SGCZ: variants seen among roughly 807,000 people sequenced by gnomAD.
SGCZ encodes the protein sarcoglycan zeta, also known as zeta-sarcoglycan.
SGCZ carries 40 observed loss-of-function variants against 41.3 expected under a neutral mutation model. The ratio of observed to expected loss-of-function variants is 0.97; its 90% confidence interval spans 0.75 to 1.26. The LOEUF is 1.26. SGCZ is among the 50% of genes most tolerant of loss of function. The pLI, the probability that SGCZ is intolerant of heterozygous loss-of-function variation, is 0.00. For synonymous variants in SGCZ, 206 were observed against 137.5 expected (o/e 1.50, Z -3.49); for missense variants, 552 against 369.8 (o/e 1.49, Z -4.04).
intron 2 of SGCZ, among the ~76,000 whole-genome samples, chr8:14,479,063 TA>T (rs1801446061): frequency 6.6e-6 from 1 of 152,112 alleles, no homozygotes; most frequent in Non-Finnish European, 1.5e-5. Context: ...GAGGTACATA[TA>T]AAATAGAGTT....
chr8:14,947,618 G>A (rs905271113), intron 1 of SGCZ, among the ~76,000 whole-genome samples: 1 of 152,144 alleles, frequency 6.6e-6, no homozygotes, highest in Non-Finnish European at 1.5e-5. Context: ...TGCCCCTTCA[G>A]TGCAAATAAT....
At chr8:14,598,594 G>C (rs1805490502) in intron 1 of SGCZ, among the ~76,000 whole-genome samples, 1 of 151,438 alleles carries the variant, frequency 6.6e-6, no homozygotes, top group South Asian at 2.1e-4. Context: ...TGGTGCAATC[G>C]TCAGCTCACT....
At chr8:14,655,039 CA>C (rs1474187302) in intron 1 of SGCZ, among the ~76,000 whole-genome samples, 3 of 152,134 alleles carry the variant, frequency 2.0e-5, no homozygotes, top group African/African-American at 7.2e-5. Flanking sequence ...TAATACCTTA[CA>C]TTTTTTTCCC....
intron 1 of SGCZ, among the ~76,000 whole-genome samples, chr8:15,088,861 A>AAAT (rs368879560): frequency 2.0e-5 from 3 of 152,288 alleles, no homozygotes; most frequent in African/African-American, 7.2e-5. Flanking sequence ...AATTGCAAAC[A>AAAT]AATAATGGTT....
chr8:14,688,895 G>A (rs936714169), intron 1 of SGCZ, among the ~76,000 whole-genome samples: 3 of 152,000 alleles, frequency 2.0e-5, no homozygotes, highest in Non-Finnish European at 2.9e-5. Flanking sequence ...TCCTTAAGCT[G>A]ATAAGCAACT....
intron 6 of SGCZ, among the ~76,000 whole-genome samples, chr8:14,106,035 C>T (rs1802192962): frequency 6.6e-6 from 1 of 152,224 alleles, no homozygotes; most frequent in African/African-American, 2.4e-5. Context: ...GGAATCAATG[C>T]TCTTCACATG....
At chr8:14,157,337 TGTGTGTGTGTGTGTGTGTGTGTGTGTGA>T (rs1228608685) in intron 5 of SGCZ, among the ~76,000 whole-genome samples, 4 of 43,970 alleles carry the variant, frequency 9.1e-5, no homozygotes, top group Admixed American at 4.1e-4. Context: ...TATATGCCTC[TGTGTGTGTGTGTGTGTGTGTGTGTGTGA>T]GTGTGTGTGT....
intron 1 of SGCZ, among the ~76,000 whole-genome samples, 190 bp downstream of exon 1, chr8:15,237,395 G>C (rs887618386): frequency 5.9e-5 from 9 of 152,182 alleles, no homozygotes; most frequent in Non-Finnish European, 1.2e-4. Context: ...AGCCTGGCTC[G>C]GGAGAACCAC....
At chr8:14,860,856 G>T (rs1399006288) in intron 1 of SGCZ, among the ~76,000 whole-genome samples, 1 of 152,128 alleles carries the variant, frequency 6.6e-6, no homozygotes, top group Non-Finnish European at 1.5e-5. Flanking sequence ...CTTGAACTTG[G>T]TTTAACACTC....
intron 2 of SGCZ, among the ~76,000 whole-genome samples, chr8:14,437,392 T>G (rs1800123889): frequency 6.6e-6 from 1 of 152,136 alleles, no homozygotes; most frequent in African/African-American, 2.4e-5. Flanking sequence ...TTTCCAACTT[T>G]CTTCAAACAC....
intron 7 of SGCZ, among the ~76,000 whole-genome samples, chr8:14,095,743 T>A (rs1490172358): frequency 1.3e-5 from 2 of 152,218 alleles, no homozygotes; most frequent in Non-Finnish European, 2.9e-5. Flanking sequence ...GAGCATGGAA[T>A]GTTTTTCCAT....
chr8:14,722,503 T>A (rs1809919309), intron 1 of SGCZ, among the ~76,000 whole-genome samples: 1 of 152,034 alleles, frequency 6.6e-6, no homozygotes, highest in Non-Finnish European at 1.5e-5. Context: ...GTTGACATAC[T>A]TTTATGTATG....
intron 1 of SGCZ, among the ~76,000 whole-genome samples, chr8:14,920,713 C>T (rs1585380141): frequency 6.6e-6 from 1 of 152,142 alleles, no homozygotes; most frequent in Non-Finnish European, 1.5e-5. Context: ...TTCCCTAAAA[C>T]TGTAACAGGA....
intron 1 of SGCZ, among the ~76,000 whole-genome samples, chr8:14,990,565 C>T (rs150752930): frequency 2.0e-5 from 3 of 151,992 alleles, no homozygotes; most frequent in Admixed American, 6.6e-5. Flanking sequence ...AATCCAATGC[C>T]CAATGATTTG....
chr8:14,385,196 G>A (rs931253769), intron 2 of SGCZ, among the ~76,000 whole-genome samples: 1 of 152,118 alleles, frequency 6.6e-6, no homozygotes, highest in African/African-American at 2.4e-5. Flanking sequence ...TAGTGAACAT[G>A]GAGTTGAGAG....
chr8:14,781,257 G>T (rs1800579060), intron 1 of SGCZ, among the ~76,000 whole-genome samples: 1 of 151,992 alleles, frequency 6.6e-6, no homozygotes, highest in African/African-American at 2.4e-5. Flanking sequence ...TTTGAGACAA[G>T]GTCTCATTGT....
chr8:14,383,855 G>A (rs1025376678), intron 2 of SGCZ, among the ~76,000 whole-genome samples: 1 of 152,244 alleles, frequency 6.6e-6, no homozygotes, highest in South Asian at 2.1e-4. Flanking sequence ...GCATTATTTG[G>A]CAGGAAGAGT....
rs1806027815 is a variant in SGCZ, at chr8:15,088,407, CAT to C, written c.39+149176_39+149177del. 1.4e-4 allele frequency among the ~76,000 whole-genome samples: 21 copies of C among 152,210 alleles called. No individual in the cohort carries two copies. The South Asian group carries it at 4.4e-3, about 32-fold the overall frequency. On this transcript the variant is annotated intron_variant, in intron 1 of 7. Coordinates refer to ENST00000382080, the MANE Select transcript of SGCZ (RefSeq NM_139167.4). ...AAGGTATTGTATTTTAAAATATTAA[CAT>C]ATTTTTCTGTAACCACTTCAGAAAA...
At position 14,868,198 on chromosome 8, in the gene SGCZ, C is replaced by T. The variant is rs530621351; in HGVS notation, c.40-313272G>A. ...TGTGAAGATGCTGAAAGGTCAGTCACGAGGATACAGTGGTAAAAAACACAG... is the reference window on the plus strand; with the variant it reads ...TGTGAAGATGCTGAAAGGTCAGTCATGAGGATACAGTGGTAAAAAACACAG... On this transcript the variant is annotated intron_variant, in intron 1 of 7. Coordinates refer to ENST00000382080, the MANE Select transcript of SGCZ (RefSeq NM_139167.4). 2.4e-4 allele frequency among the ~76,000 whole-genome samples: 37 copies of T among 152,190 alleles called. 1 individual carries two copies. Among genetic ancestry groups the T allele is most frequent in the Non-Finnish European group, 5.0e-4 (34 of 68,012 alleles).
Sources: allele counts gnomAD v4.1 joint callset (sites outside exome capture counted in the v4.1 genomes callset), GRCh38; gene constraint gnomAD v4.1.1; transcripts MANE v1.5; gene names NCBI Gene and HGNC (gene_info 2026-07-23, HGNC 2026-07-21).